BTBD16: variants seen among roughly 807,000 people sequenced by gnomAD.
BTBD16 encodes the protein BTB/POZ domain-containing protein 16.
A neutral mutation model predicts 67.4 loss-of-function variants in BTBD16; 66 were observed. The observed-to-expected ratio is 0.98, with a 90% CI of 0.80 to 1.20. The LOEUF (loss-of-function observed/expected upper bound fraction) is 1.20. Ranked by LOEUF, BTBD16 falls within the 50% of genes most tolerant of loss-of-function variation. The pLI, the probability that BTBD16 is intolerant of heterozygous loss-of-function variation, is 0.00. For synonymous variants in BTBD16, 242 were observed against 236.4 expected, an observed-to-expected ratio of 1.02 and a Z score of -0.22; for missense variants, 634 against 616.0, an observed-to-expected ratio of 1.03 and a Z score of -0.31.
At chr10:122,328,925 T>TAAGG in intron 10 of BTBD16, 1 of 684,894 alleles carries the variant, frequency 1.5e-6, no homozygotes, top group Non-Finnish European at 1.8e-6. Flanking sequence ...CTGCTAAAAC[T>TAAGG]AGTTCCCCAC....
Position 122,291,186 on chromosome 10 carries a change from G to C in BTBD16, c.582G>C (p.Leu194=). The change falls in exon 7 of 16, where the codon CTG becomes CTC. Residue 194 remains leucine, a synonymous_variant. Transcript: ENST00000260723. ...CCCACATCCTCCAGTTCAGTGGCCTGTTTCAAAGGTAAGGAAACAAGGCTG... is the reference window on the plus strand; with the variant it reads ...CCCACATCCTCCAGTTCAGTGGCCTCTTTCAAAGGTAAGGAAACAAGGCTG... ...ASAHILQFSG[L]FQRCVDVMIA... 2 of 1,610,858 alleles carry C rather than the reference G, an allele frequency of 1.2e-6. No individual in the cohort carries two copies. The highest frequency in any genetic ancestry group is 1.1e-5 in the South Asian group (1 of 90,316).
intron 6 of BTBD16, among the ~76,000 whole-genome samples, chr10:122,290,552 G>A (rs566896333): frequency 7.2e-5 from 11 of 152,212 alleles, no homozygotes; most frequent in Admixed American, 4.6e-4. Context: ...GCCATTTGTC[G>A]CCAGAGGACA....
At chr10:122,310,227 A>G (rs1011218113) in intron 10 of BTBD16, among the ~76,000 whole-genome samples, 5 of 152,196 alleles carry the variant, frequency 3.3e-5, no homozygotes, top group Non-Finnish European at 7.4e-5. Flanking sequence ...GCACCAGCCC[A>G]AGAAGGATTC....
At chr10:122,297,666 A>C in intron 7 of BTBD16, 102 bp from the exon 8 acceptor site, 1 of 1,320,324 alleles carries the variant, frequency 7.6e-7, no homozygotes, top group Non-Finnish European at 1.1e-6. Flanking sequence ...TTCCGTTCAA[A>C]AGTCTGCTGC....
Position 122,300,841 on chromosome 10 carries a change from T to C in BTBD16, c.791+1707T>C, listed in dbSNP as rs576861053. Among the ~76,000 whole-genome samples, 7 of 152,330 alleles carry C rather than the reference T, an allele frequency of 4.6e-5. No individual in the cohort carries two copies. In the South Asian group the frequency reaches 1.4e-3, roughly 32 times the overall value. ...TATGCTGAAAATCCTAGTAGAATAT[T>C]AGAAAATGAGGGTTTACTCATGTGT... On this transcript the variant is annotated intron_variant, in intron 9 of 15. Coordinates refer to ENST00000260723, the MANE Select transcript of BTBD16 (RefSeq NM_144587.5).
chr10:122,278,605 C>T (rs901130669), intron 3 of BTBD16, among the ~76,000 whole-genome samples: 1 of 152,206 alleles, frequency 6.6e-6, no homozygotes, highest in Non-Finnish European at 1.5e-5. Context: ...CCAGTCAACA[C>T]CCCCTTTATT....
intron 10 of BTBD16, among the ~76,000 whole-genome samples, chr10:122,310,778 A>T (rs925246863): frequency 3.2e-4 from 49 of 152,334 alleles, no homozygotes; most frequent in African/African-American, 1.1e-3. Flanking sequence ...AGGCCGTCAC[A>T]TTATGGGAAC....
intron 10 of BTBD16, among the ~76,000 whole-genome samples, chr10:122,311,412 C>G (rs1000927472): frequency 6.6e-6 from 1 of 152,212 alleles, no homozygotes; most frequent in Non-Finnish European, 1.5e-5. Flanking sequence ...CTACACTCTA[C>G]AGCCTGTTTT....
At chr10:122,314,874 T>C (rs1177066123) in intron 10 of BTBD16, among the ~76,000 whole-genome samples, 3 of 152,168 alleles carry the variant, frequency 2.0e-5, no homozygotes, top group Non-Finnish European at 4.4e-5. Flanking sequence ...CTAGGTAGAC[T>C]CTCCAGTATC....
At chr10:122,307,986 G>A (rs1168631793) in intron 10 of BTBD16, among the ~76,000 whole-genome samples, 2 of 152,150 alleles carry the variant, frequency 1.3e-5, no homozygotes, top group East Asian at 1.9e-4. Context: ...ATTCAGTGTC[G>A]GAATTATATG....
intron 9 of BTBD16, among the ~76,000 whole-genome samples, chr10:122,300,538 T>C (rs562028386): frequency 6.6e-6 from 1 of 152,208 alleles, no homozygotes; most frequent in African/African-American, 2.4e-5. Context: ...TAAGTTCCTT[T>C]ACTCCACATG....
chr10:122,313,594 A>G (rs1416301842), intron 10 of BTBD16, among the ~76,000 whole-genome samples: 1 of 152,174 alleles, frequency 6.6e-6, no homozygotes, highest in Non-Finnish European at 1.5e-5. Flanking sequence ...ATCTTTGCCT[A>G]TTCCAGTGCC....
chr10:122,281,327 G>A (rs1236281739), intron 3 of BTBD16, among the ~76,000 whole-genome samples: 1 of 152,118 alleles, frequency 6.6e-6, no homozygotes, highest in Non-Finnish European at 1.5e-5. Flanking sequence ...GCATTCATGT[G>A]TGAGAACTCT....
chr10:122,276,671 A>T, intron 2 of BTBD16, 120 bp from the exon 3 acceptor site: 1 of 1,363,902 alleles, frequency 7.3e-7, no homozygotes, highest in Non-Finnish European at 1.0e-6. Context: ...GCCATGTTCA[A>T]AAATTAACCA....
chr10:122,303,706 C>T, intron 9 of BTBD16: 1 of 870,214 alleles, frequency 1.1e-6, no homozygotes, highest in Non-Finnish European at 1.4e-6. Context: ...CCCTAAAGAA[C>T]AATTACCATT....
intron 7 of BTBD16, among the ~76,000 whole-genome samples, chr10:122,297,206 G>T (rs2096384972): frequency 6.6e-6 from 1 of 152,212 alleles, no homozygotes; most frequent in African/African-American, 2.4e-5. Flanking sequence ...CATCAGTTTT[G>T]TTCTTTGCAC....
intron 2 of BTBD16, among the ~76,000 whole-genome samples, 195 bp downstream of exon 2, chr10:122,275,294 C>T (rs184324849): frequency 4.6e-4 from 70 of 152,244 alleles, no homozygotes; most frequent in African/African-American, 1.6e-3. Context: ...TCTGAGCTGA[C>T]GATGTTTTAC....
chr10:122,336,362 T>A, intron 14 of BTBD16, 132 bp from the exon 15 acceptor site: 1 of 730,086 alleles, frequency 1.4e-6, no homozygotes, highest in East Asian at 3.3e-5. Flanking sequence ...TAGGAGATGG[T>A]GCCAATTGGG....
intron 9 of BTBD16, 56 bp from the exon 10 acceptor site, chr10:122,307,133 C>T (rs1358993746): frequency 6.5e-7 from 1 of 1,545,048 alleles, no homozygotes; most frequent in African/African-American, 1.4e-5. Context: ...TTCTTACAAG[C>T]AGCGTGATTT....
Sources: gnomAD v4.1 joint callset for allele counts (sites outside exome capture counted in the v4.1 genomes callset) on GRCh38, gnomAD v4.1.1 for gene constraint, MANE v1.5 for transcripts, NCBI Gene and HGNC (gene_info 2026-07-23, HGNC 2026-07-21) for gene names.